Variants in FER observed in about 807,000 individuals in gnomAD.
FER encodes tyrosine-protein kinase Fer.
In FER, 63 loss-of-function variants were observed where a neutral mutation model predicts 111.0. The ratio of observed to expected loss-of-function variants is 0.57; its 90% CI spans 0.46 to 0.70. FER has a LOEUF of 0.70. Ranked by LOEUF, FER falls within the 30% of genes least tolerant of loss-of-function variation. The pLI is 0.00. For synonymous variants in FER, 327 were observed against 313.9 expected (o/e 1.04, Z -0.44); for missense variants, 914 against 954.0 (o/e 0.96, Z 0.55).
chr5:108,887,005 A>G (rs1747275194), intron 9 of FER, among the ~76,000 whole-genome samples: 2 of 151,666 alleles, frequency 1.3e-5, no homozygotes, highest in Admixed American at 6.6e-5. Flanking sequence ...GTACATGTGT[A>G]TATAACTACA....
chr5:108,883,337 G>T, intron 8 of FER, 59 bp from the exon 9 acceptor site: 2 of 1,463,360 alleles, frequency 1.4e-6, no homozygotes, highest in Non-Finnish European at 9.2e-7. Flanking sequence ...ATACTTTTTT[G>T]ATATGTATAA....
chr5:109,078,695 A>C (rs935136897), intron 16 of FER, among the ~76,000 whole-genome samples: 5 of 152,334 alleles, frequency 3.3e-5, no homozygotes, highest in African/African-American at 1.2e-4. Flanking sequence ...CAAGTTACTC[A>C]AATGATGGGT....
intron 12 of FER, among the ~76,000 whole-genome samples, chr5:108,958,754 G>A (rs1453845356): frequency 6.6e-6 from 1 of 151,822 alleles, no homozygotes; most frequent in African/African-American, 2.4e-5. Flanking sequence ...ATGATCAGAT[G>A]TATTAAAATA....
At chr5:108,766,277 T>C (rs1194333611) in intron 1 of FER, among the ~76,000 whole-genome samples, 1 of 152,240 alleles carries the variant, frequency 6.6e-6, no homozygotes, top group Non-Finnish European at 1.5e-5. Context: ...ATGAATTTTA[T>C]CGTTTTATAT....
chr5:109,053,691 ATTTTTTTTTTT>A (rs544623578), intron 16 of FER, among the ~76,000 whole-genome samples: 1 of 119,402 alleles, frequency 8.4e-6, no homozygotes, highest in Non-Finnish European at 1.7e-5. Context: ...GTGGAGTTCT[ATTTTTTTTTTT>A]TTTTTTTTGA....
At chr5:108,794,260 C>G (rs1396354696) in intron 2 of FER, among the ~76,000 whole-genome samples, 1 of 151,116 alleles carries the variant, frequency 6.6e-6, no homozygotes. Context: ...TCTTGTTGCC[C>G]AGGCTGGAGT....
At chr5:109,008,829 G>T (rs1426688707) in intron 13 of FER, among the ~76,000 whole-genome samples, 2 of 151,942 alleles carry the variant, frequency 1.3e-5, no homozygotes, top group African/African-American at 2.4e-5. Context: ...AATTAACCAG[G>T]CATGGTGGCG....
At chr5:108,884,818 G>C (rs1270359131) in intron 9 of FER, among the ~76,000 whole-genome samples, 1 of 151,908 alleles carries the variant, frequency 6.6e-6, no homozygotes, top group African/African-American at 2.4e-5. Context: ...TCAAAGTCTG[G>C]CTTTTTGCCC....
chr5:108,787,936 G>T (rs914103310), intron 2 of FER, among the ~76,000 whole-genome samples: 1 of 152,190 alleles, frequency 6.6e-6, no homozygotes, highest in African/African-American at 2.4e-5. Flanking sequence ...CTGGATGTGG[G>T]ACAAGTGCTT....
At chr5:108,760,054 G>A (rs138023417) in intron 1 of FER, among the ~76,000 whole-genome samples, 71 of 152,084 alleles carry the variant, frequency 4.7e-4, no homozygotes, top group African/African-American at 1.5e-3. Flanking sequence ...TGGATGTTGC[G>A]TTAGCAGTCA....
At chr5:108,988,222 A>T (rs1227763043) in intron 13 of FER, among the ~76,000 whole-genome samples, 1 of 152,006 alleles carries the variant, frequency 6.6e-6, no homozygotes, top group African/African-American at 2.4e-5. Flanking sequence ...TTGCATCTAT[A>T]TTCATCAGGA....
chr5:108,855,319 G>A (rs760469389), intron 5 of FER, among the ~76,000 whole-genome samples: 59 of 152,130 alleles, frequency 3.9e-4, no homozygotes, highest in Middle Eastern at 3.4e-3. Flanking sequence ...AGAAGTCAGC[G>A]AAATAAAGAG....
chr5:109,051,579 G>A lies in FER; in HGVS notation c.1924+4381G>A, dbSNP rs138794207. On this transcript the variant is annotated intron_variant, in intron 16 of 19. Coordinates refer to ENST00000281092, the MANE Select transcript of FER (RefSeq NM_005246.4). The stretch of plus-strand genomic sequence containing the variant: ...TGTCGTAATTGCGGCAAGAAGAATT[G>A]TTTCTGTCGCCATTAACCAGCTTGT... The A allele has an allele frequency of 1.1e-4, 175 of 1,608,894 alleles. 1 individual carries two copies. The East Asian group carries it at 3.4e-3, about 32-fold the overall frequency.
chr5:108,982,348 C>T (rs777040143), intron 13 of FER, among the ~76,000 whole-genome samples: 1 of 152,064 alleles, frequency 6.6e-6, no homozygotes, highest in Non-Finnish European at 1.5e-5. Flanking sequence ...AAAGCACGTG[C>T]ATTCTACCTT....
At chr5:108,928,918 A>T (rs1440065362) in intron 10 of FER, among the ~76,000 whole-genome samples, 2 of 152,188 alleles carry the variant, frequency 1.3e-5, no homozygotes, top group Non-Finnish European at 2.9e-5. Context: ...TTAGCCACAT[A>T]AGCCTTGGAG....
chr5:108,785,334 A>G (rs1754577534), intron 2 of FER: 2 of 566,952 alleles, frequency 3.5e-6, no homozygotes, highest in Non-Finnish European at 6.9e-6. Context: ...TTCAGCCCCA[A>G]CTGCTACTGG....
intron 9 of FER, among the ~76,000 whole-genome samples, chr5:108,886,588 T>C (rs1473340811): frequency 6.6e-6 from 1 of 151,626 alleles, no homozygotes; most frequent in Non-Finnish European, 1.5e-5. Context: ...ACATACATAG[T>C]AAATGGTAGA....
intron 17 of FER, among the ~76,000 whole-genome samples, chr5:109,132,440 T>A (rs1752454713): frequency 6.6e-6 from 1 of 152,168 alleles, no homozygotes; most frequent in Non-Finnish European, 1.5e-5. Flanking sequence ...TTCATTATAG[T>A]CTTTCTAGTG....
intron 13 of FER, among the ~76,000 whole-genome samples, chr5:109,025,281 CCT>C (rs1485416646): frequency 6.6e-6 from 1 of 152,014 alleles, no homozygotes. Flanking sequence ...TTGTTTGTAT[CCT>C]CTTTTATTTC....
Sources: allele counts gnomAD v4.1 joint callset (sites outside exome capture counted in the v4.1 genomes callset), GRCh38; gene constraint gnomAD v4.1.1; transcripts MANE v1.5; gene names NCBI Gene and HGNC (gene_info 2026-07-23, HGNC 2026-07-21).